Variants in SIPA1L3 observed in about 807,000 individuals in gnomAD.
The protein encoded by SIPA1L3 is signal-induced proliferation-associated 1-like protein 3.
Under a neutral mutation model 150.1 loss-of-function variants are expected in SIPA1L3, and 59 were observed. The observed-to-expected ratio is 0.39, with a 90% CI of 0.32 to 0.49. SIPA1L3 has a LOEUF of 0.49. Among genes scored for constraint, SIPA1L3 ranks in the 20% least tolerant of loss-of-function variants. The pLI is 0.86. For synonymous variants in SIPA1L3, 1,070 were observed against 1,077.6 expected (o/e 0.99, Z 0.14); for missense variants, 2,211 against 2,489.5 (o/e 0.89, Z 2.38).
At chr19:37,941,989 A>G (rs1420925082) in intron 1 of SIPA1L3, among the ~76,000 whole-genome samples, 1 of 152,188 alleles carries the variant, frequency 6.6e-6, no homozygotes, top group African/African-American at 2.4e-5. Flanking sequence ...TCAGTTATTC[A>G]TTATATTGCA....
At chr19:38,008,661 A>C (rs1158994341) in intron 1 of SIPA1L3, among the ~76,000 whole-genome samples, 1 of 151,894 alleles carries the variant, frequency 6.6e-6, no homozygotes. Flanking sequence ...GGCCCAAGAA[A>C]TCCTCCTGCC....
chr19:38,116,551 A>G (rs1970888268), intron 8 of SIPA1L3, among the ~76,000 whole-genome samples: 1 of 146,252 alleles, frequency 6.8e-6, no homozygotes, highest in Admixed American at 6.8e-5. Context: ...AGAAAGAAAG[A>G]AAAGAAAAAG....
At chr19:37,936,568 T>C (rs1372929572) in intron 1 of SIPA1L3, among the ~76,000 whole-genome samples, 1 of 152,216 alleles carries the variant, frequency 6.6e-6, no homozygotes, top group Non-Finnish European at 1.5e-5. Flanking sequence ...AGAGGAACTG[T>C]TACGAATACT....
At chr19:38,141,107 G>A (rs1437318913) in intron 10 of SIPA1L3, 77 bp from the exon 11 acceptor site, 2 of 1,371,514 alleles carry the variant, frequency 1.5e-6, no homozygotes, top group East Asian at 2.5e-5. Flanking sequence ...TATTGGGCCA[G>A]GAAAACCCAG....
intron 10 of SIPA1L3, among the ~76,000 whole-genome samples, chr19:38,135,235 A>G (rs953304143): frequency 6.6e-6 from 1 of 151,940 alleles, no homozygotes; most frequent in Non-Finnish European, 1.5e-5. Flanking sequence ...TTGGTGGGGG[A>G]CAGTTCTGGG....
At chr19:38,143,979 A>G (rs1268988883) in intron 12 of SIPA1L3, among the ~76,000 whole-genome samples, 1 of 152,080 alleles carries the variant, frequency 6.6e-6, no homozygotes, top group Non-Finnish European at 1.5e-5. Context: ...CTTTAGCCAC[A>G]CTGGCCACTC....
At chr19:38,063,294 C>G (rs1037206537) in intron 2 of SIPA1L3, among the ~76,000 whole-genome samples, 1 of 152,014 alleles carries the variant, frequency 6.6e-6, no homozygotes, top group Non-Finnish European at 1.5e-5. Flanking sequence ...CCATCCCTGC[C>G]AGCCTTCCCA....
intron 4 of SIPA1L3, among the ~76,000 whole-genome samples, chr19:38,094,966 C>A (rs1315221750): frequency 2.0e-5 from 3 of 151,958 alleles, no homozygotes; most frequent in African/African-American, 7.3e-5. Context: ...ACCTGTAATC[C>A]CAGGAGGCTG....
chr19:37,927,867 G>A (rs967007086), intron 1 of SIPA1L3, among the ~76,000 whole-genome samples: 1 of 152,080 alleles, frequency 6.6e-6, no homozygotes, highest in Admixed American at 6.6e-5. Flanking sequence ...TGCTGCAATA[G>A]ACATGATTTC....
chr19:38,131,973 A>T (rs1423209212), intron 10 of SIPA1L3, among the ~76,000 whole-genome samples: 2 of 151,938 alleles, frequency 1.3e-5, no homozygotes, highest in African/African-American at 4.8e-5. Context: ...CTGGGTTCAC[A>T]CCTGTAATCG....
At chr19:38,072,136 T>G (rs1042025889) in intron 2 of SIPA1L3, among the ~76,000 whole-genome samples, 9 of 152,224 alleles carry the variant, frequency 5.9e-5, no homozygotes, top group African/African-American at 2.2e-4. Context: ...AAGAAGGGGC[T>G]GGGGTTGAGT....
chr19:38,066,709 C>T (rs1419025920), intron 2 of SIPA1L3, among the ~76,000 whole-genome samples: 1 of 152,042 alleles, frequency 6.6e-6, no homozygotes, highest in Non-Finnish European at 1.5e-5. Context: ...TGCCTGTGAT[C>T]CCAGCTACTC....
intron 2 of SIPA1L3, among the ~76,000 whole-genome samples, chr19:38,060,673 T>G (rs1273461006): frequency 6.6e-6 from 1 of 152,204 alleles, no homozygotes; most frequent in Non-Finnish European, 1.5e-5. Flanking sequence ...ATAAAATATG[T>G]AGCTTGAAAG....
intron 12 of SIPA1L3, among the ~76,000 whole-genome samples, chr19:38,151,293 G>A (rs1383878300): frequency 1.3e-5 from 2 of 152,194 alleles, no homozygotes; most frequent in South Asian, 2.1e-4. Context: ...AATCAGCAAC[G>A]TTTATTTCTC....
intron 4 of SIPA1L3, among the ~76,000 whole-genome samples, chr19:38,092,245 AT>A: frequency 6.6e-6 from 1 of 152,052 alleles, no homozygotes; most frequent in East Asian, 1.9e-4. Context: ...AGACTATAGC[AT>A]TAGGAGAAAT....
rs1020709049 is a variant in SIPA1L3, at chr19:38,031,026, C to T, written c.-311+1870C>T. Among the ~76,000 whole-genome samples the T allele has an allele frequency of 5.3e-5, 8 of 152,286 alleles. No individual in the cohort carries two copies. In the East Asian group the frequency reaches 1.4e-3, roughly 26 times the overall value. On this transcript the variant is annotated intron_variant, in intron 2 of 21. Transcript: ENST00000222345. ...TGTTTAGTGGGTCTCATCACATTCC[C>T]TCATCCTGGCAGTCTTGCCTGGGTA...
At chr19:38,030,122 G>A (rs1968611986) in intron 2 of SIPA1L3, among the ~76,000 whole-genome samples, 2 of 151,942 alleles carry the variant, frequency 1.3e-5, no homozygotes, top group African/African-American at 4.8e-5. Flanking sequence ...CCAAAATGCT[G>A]GGATTACAGG....
intron 16 of SIPA1L3, among the ~76,000 whole-genome samples, chr19:38,190,584 C>T (rs758363911): frequency 2.0e-5 from 3 of 152,190 alleles, no homozygotes; most frequent in Non-Finnish European, 4.4e-5. Flanking sequence ...TTAAAACCCT[C>T]GGGAACCCAA....
At chr19:38,187,488 C>T (rs1050603728) in intron 16 of SIPA1L3, among the ~76,000 whole-genome samples, 3 of 151,008 alleles carry the variant, frequency 2.0e-5, no homozygotes, top group Admixed American at 6.6e-5. Flanking sequence ...GAGGCCGAGG[C>T]GGGTGGATCA....
Sources: allele counts gnomAD v4.1 joint callset (sites outside exome capture counted in the v4.1 genomes callset), GRCh38; gene constraint gnomAD v4.1.1; transcripts MANE v1.5; gene names NCBI Gene and HGNC (gene_info 2026-07-23, HGNC 2026-07-21).